The following TTF1 variants were observed in gnomAD, a reference collection of about 807,000 sequenced individuals.
TTF1 encodes transcription termination factor, RNA polymerase I.
Under a neutral mutation model 80.2 loss-of-function variants are expected in TTF1, and 64 were observed. That is an observed-to-expected ratio of 0.80 (90% CI 0.65 to 0.98). The LOEUF is 0.98. TTF1 is among the 50% of genes least tolerant of loss of function. TTF1 has a pLI of 0.00. For synonymous variants in TTF1, 372 were observed against 382.7 expected, an observed-to-expected ratio of 0.97 and a Z score of 0.33; for missense variants, 1,023 against 1,086.2, an observed-to-expected ratio of 0.94 and a Z score of 0.82.
chr9:132,388,533 G>T (rs1429141835), intron 7 of TTF1, among the ~76,000 whole-genome samples: 1 of 151,996 alleles, frequency 6.6e-6, no homozygotes, highest in Non-Finnish European at 1.5e-5. Context: ...TAGAGACAGG[G>T]TTTCACCATG....
intron 5 of TTF1, among the ~76,000 whole-genome samples, chr9:132,393,437 A>G (rs946341270): frequency 6.6e-6 from 1 of 152,276 alleles, no homozygotes. Flanking sequence ...GCCACAAACA[A>G]TAACATGAGC....
At chr9:132,378,984 C>T in intron 10 of TTF1, 75 bp downstream of exon 10, 1 of 1,126,736 alleles carries the variant, frequency 8.9e-7, no homozygotes, top group Non-Finnish European at 1.3e-6. Flanking sequence ...CAGTCACCTG[C>T]CTAGGTGACT....
intron 5 of TTF1, among the ~76,000 whole-genome samples, chr9:132,395,355 G>T (rs1849629120): frequency 6.6e-6 from 1 of 152,004 alleles, no homozygotes; most frequent in Non-Finnish European, 1.5e-5. Flanking sequence ...ACAGCACAAA[G>T]AGATGAACTG....
chr9:132,380,529 C>T (rs1296515064), intron 9 of TTF1, among the ~76,000 whole-genome samples: 1 of 152,244 alleles, frequency 6.6e-6, no homozygotes, highest in African/African-American at 2.4e-5. Flanking sequence ...AACCCCAGCT[C>T]TACGGCAGCC....
chr9:132,397,297 G>A (rs1849670108), intron 4 of TTF1, among the ~76,000 whole-genome samples: 1 of 152,174 alleles, frequency 6.6e-6, no homozygotes, highest in East Asian at 1.9e-4. Flanking sequence ...ACTCTAAGGG[G>A]AAATAATCCC....
rs780666966 is a variant in TTF1 at position 132,402,317 on chromosome 9, T to C, written c.505A>G (p.Lys169Glu). ...GATGCAGCTTTCCTCTGATGCTTTT[T>C]ATTCTTTTTCTCCCTAACTTTACTG... Reference protein sequence around the residue: ...LHSKVREKKNKKHQRKAASWE... With the variant: ...LHSKVREKKNEKHQRKAASWE... The change falls in exon 2 of 11, where the codon AAA becomes GAA. Residue 169 changes from lysine (K) to glutamate (E), a missense_variant. Coordinates refer to ENST00000334270, the MANE Select transcript of TTF1 (RefSeq NM_007344.4). 1.8e-5 allele frequency: 29 copies of C among 1,614,046 alleles called. No individual in the cohort carries two copies. Among genetic ancestry groups the C allele is most frequent in the Middle Eastern group, 3.3e-4 (2 of 6,084 alleles).
At chr9:132,376,750 C>T (rs1415389678) in intron 10 of TTF1, among the ~76,000 whole-genome samples, 2 of 150,994 alleles carry the variant, frequency 1.3e-5, no homozygotes, top group Non-Finnish European at 2.9e-5. Context: ...AAGCCTGGAA[C>T]TCCCAGGATC....
chr9:132,388,292 A>G, intron 7 of TTF1, 64 bp from the exon 8 acceptor site: 1 of 1,211,782 alleles, frequency 8.3e-7, no homozygotes, highest in East Asian at 2.5e-5. Flanking sequence ...AAAATATCCT[A>G]TATTTTTCTT....
intron 10 of TTF1, among the ~76,000 whole-genome samples, chr9:132,376,577 C>T (rs1215898707): frequency 1.3e-5 from 2 of 151,520 alleles, no homozygotes; most frequent in East Asian, 1.9e-4. Flanking sequence ...CCTGCAAGCT[C>T]GTTAGTGAAA....
intron 10 of TTF1, among the ~76,000 whole-genome samples, chr9:132,378,683 T>TGTGAGTGCATAC (rs1564182481): frequency 4.5e-4 from 61 of 136,156 alleles, no homozygotes; most frequent in African/African-American, 1.7e-3. Context: ...ATGCATGTGG[T>TGTGAGTGCATAC]GTGTGTGAGT....
chr9:132,385,614 G>A (rs1849452191), intron 9 of TTF1, among the ~76,000 whole-genome samples: 1 of 152,160 alleles, frequency 6.6e-6, no homozygotes, highest in African/African-American at 2.4e-5. Flanking sequence ...TCCCCGCATG[G>A]CTACCCTGCC....
chr9:132,406,446 A>G (rs1006255921), intron 1 of TTF1, among the ~76,000 whole-genome samples: 1 of 152,082 alleles, frequency 6.6e-6, no homozygotes, highest in Non-Finnish European at 1.5e-5. Flanking sequence ...TACTAAAAAT[A>G]CAAAAATTAG....
At chr9:132,376,541 G>A (rs1236415451) in intron 10 of TTF1, among the ~76,000 whole-genome samples, 3 of 152,104 alleles carry the variant, frequency 2.0e-5, no homozygotes, top group Non-Finnish European at 4.4e-5. Flanking sequence ...TACCAGTGCC[G>A]TGCAGACTGC....
chr9:132,389,807 A>G lies in TTF1; in HGVS notation c.2222+790T>C, dbSNP rs59891671. Among the ~76,000 whole-genome samples the G allele has an allele frequency of 4.3e-3, 651 of 152,308 alleles. 5 individuals are homozygous for G. Among genetic ancestry groups the G allele is most frequent in the African/African-American group, 0.015 (630 of 41,556 alleles). Reference sequence around the variant, plus strand: ...TATCCAGCAAAGAATGTGTGGCAGAAGCAGGACTGAAACTGTCTCTATGTG... The same window carrying G: ...TATCCAGCAAAGAATGTGTGGCAGAGGCAGGACTGAAACTGTCTCTATGTG... On this transcript the variant is annotated intron_variant, in intron 7 of 10. Transcript: ENST00000334270.
At position 132,390,700 on chromosome 9, in the gene TTF1, T is replaced by G; in HGVS notation, c.2119A>C (p.Ser707Arg). 2 of 1,614,256 alleles carry G rather than the reference T, an allele frequency of 1.2e-6. No homozygotes were observed. Among genetic ancestry groups the G allele is most frequent in the Non-Finnish European group, 1.7e-6 (2 of 1,180,046 alleles). Reference protein sequence around the residue: ...VDSKLQENPESCLSIVREKLY... With the variant: ...VDSKLQENPERCLSIVREKLY... ...TTTTCCCGAACAATTGATAGGCAAC[T>G]TTCAGGATTTTCTTGGAGTTTGGAA... Residue 707 changes from serine to arginine, a missense_variant, in exon 7 of 11, where the codon AGT becomes CGT. Coordinates refer to ENST00000334270, the MANE Select transcript of TTF1 (RefSeq NM_007344.4).
At chr9:132,387,678 G>A (rs1386221609) in intron 8 of TTF1, among the ~76,000 whole-genome samples, 14 of 151,998 alleles carry the variant, frequency 9.2e-5, no homozygotes, top group Non-Finnish European at 2.1e-4. Context: ...CCTTTTCCTC[G>A]TCACCCTTCA....
rs139435320 is a variant in TTF1 at position 132,387,170 on chromosome 9, G to C, written c.2313-549C>G. Among the ~76,000 whole-genome samples the C allele has an allele frequency of 8.5e-5, 13 of 152,258 alleles. No homozygotes were observed. In the East Asian group the frequency reaches 2.3e-3, roughly 27 times the overall value. ...GATGGAGTCTTGACATGTTGCTCAGGCTGGTCTCAAACTCCTGGGCTCCTC... is the reference window on the plus strand; with the variant it reads ...GATGGAGTCTTGACATGTTGCTCAGCCTGGTCTCAAACTCCTGGGCTCCTC... On this transcript the variant is annotated intron_variant, in intron 8 of 10. Coordinates refer to ENST00000334270, the MANE Select transcript of TTF1 (RefSeq NM_007344.4).
intron 2 of TTF1, among the ~76,000 whole-genome samples, chr9:132,401,142 T>TAAC (rs943540143): frequency 9.2e-5 from 14 of 152,130 alleles, no homozygotes; most frequent in African/African-American, 3.4e-4. Flanking sequence ...CCAGCCTGAC[T>TAAC]AACAAGGACA....
chr9:132,396,312 GT>G, intron 5 of TTF1, 120 bp downstream of exon 5: 1 of 987,614 alleles, frequency 1.0e-6, no homozygotes, highest in South Asian at 1.4e-5. Context: ...ACACCACCTG[GT>G]TTCACACACA....
Sources: allele counts gnomAD v4.1 joint callset (sites outside exome capture counted in the v4.1 genomes callset), GRCh38; gene constraint gnomAD v4.1.1; transcripts MANE v1.5; gene names NCBI Gene and HGNC (gene_info 2026-07-23, HGNC 2026-07-21).